ABLIM3: variants seen among roughly 807,000 people sequenced by gnomAD.
The protein encoded by ABLIM3 is actin binding LIM protein family member 3.
A neutral mutation model predicts 109.5 loss-of-function variants in ABLIM3; 61 were observed. The ratio of observed to expected loss-of-function variants is 0.56; its 90% CI spans 0.45 to 0.69. ABLIM3 has a LOEUF of 0.69. Among genes scored for constraint, ABLIM3 ranks in the 30% least tolerant of loss-of-function variants. The pLI, the probability that ABLIM3 is intolerant of heterozygous loss-of-function variation, is 0.00. For missense variants in ABLIM3, 796 were observed against 889.5 expected (o/e 0.89, Z 1.34); for synonymous variants, 300 against 324.8 (o/e 0.92, Z 0.82).
rs1760116337 is a variant in ABLIM3 at position 149,216,608 on chromosome 5, G to A, written c.670-351G>A. ...CATTTCATGTAACATTAGTGGTAAG[G>A]GCCTCTCACTTGGGGAAATGCTGGG... is the stretch of plus-strand genomic sequence containing the variant. On this transcript the variant is annotated intron_variant, in intron 7 of 23. Coordinates refer to ENST00000309868, the MANE Select transcript of ABLIM3 (RefSeq NM_014945.5). 4 of 237,556 alleles carry A rather than the reference G, an allele frequency of 1.7e-5. No individual in the cohort carries two copies. In the South Asian group the frequency reaches 5.2e-4, roughly 31 times the overall value. 14.7% of individuals were successfully genotyped at this position (237,556 alleles called of 1,614,324 possible). A position where few individuals can be genotyped will look rare whatever the true frequency, so the allele number is the denominator to read the frequency against.
Position 149,249,836 on chromosome 5 carries a change from C to G in ABLIM3, c.1721C>G (p.Ala574Gly). 6.2e-7 allele frequency: 1 copy of G among 1,614,218 alleles called. No individual in the cohort carries two copies. Among genetic ancestry groups the G allele is most frequent in the Non-Finnish European group, 8.5e-7 (1 of 1,180,028 alleles). ...GCAGCCCCTCGGTCGCACTACCTGG[C>G]TGACAGTGGTAAGTTCTACCTGCCC... ...LNGSPRSHYL[A>G]DSDPLISKSA... The change falls in exon 19 of 24, where the codon GCT (alanine) becomes GGT (glycine). Residue 574 changes from alanine to glycine, a missense_variant. Physicochemically the swap from Ala to Gly is moderately conservative, Grantham distance 60. Coordinates refer to ENST00000309868, the MANE Select transcript of ABLIM3 (RefSeq NM_014945.5).
chr5:149,226,482 CAA>C (rs1761297497), intron 8 of ABLIM3, among the ~76,000 whole-genome samples: 1 of 151,864 alleles, frequency 6.6e-6, no homozygotes, highest in Admixed American at 6.5e-5. Context: ...GACTCCGTCT[CAA>C]AACAAAAAAA....
intron 8 of ABLIM3, among the ~76,000 whole-genome samples, chr5:149,225,974 GTGTGTGTGTATATA>G (rs1447022842): frequency 1.5e-4 from 14 of 92,206 alleles, no homozygotes; most frequent in East Asian, 2.8e-4. Context: ...GTGTGTGTGT[GTGTGTGTGTATATA>G]TATATATATA....
intron 9 of ABLIM3, among the ~76,000 whole-genome samples, chr5:149,231,364 G>A (rs1350453405): frequency 2.0e-5 from 3 of 152,218 alleles, no homozygotes; most frequent in Non-Finnish European, 2.9e-5. Flanking sequence ...CAGGCTGCAG[G>A]AAGGATCCGG....
intron 2 of ABLIM3, among the ~76,000 whole-genome samples, chr5:149,156,080 C>T (rs2127440381): frequency 6.6e-6 from 1 of 152,362 alleles, no homozygotes; most frequent in Middle Eastern, 3.4e-3. Context: ...AATGAGCTCC[C>T]AGTTGTTCTG....
intron 13 of ABLIM3, 87 bp from the exon 14 acceptor site, chr5:149,240,589 C>T (rs1396256833): frequency 1.2e-5 from 13 of 1,073,864 alleles, no homozygotes; most frequent in Middle Eastern, 2.0e-4. Flanking sequence ...CTGTCATCAC[C>T]TCACCACTTC....
Position 149,238,455 on chromosome 5 carries a change from C to A in ABLIM3, c.1045-793C>A, listed in dbSNP as rs182023318. On this transcript the variant is annotated intron_variant, in intron 11 of 23. Transcript: ENST00000309868. Reference sequence around the variant, plus strand: ...CCCAGTGCTGAGATTCTCTGGTTTCCGGCCCCTGAAATGCACCAGGAGAGG... The same window carrying A: ...CCCAGTGCTGAGATTCTCTGGTTTCAGGCCCCTGAAATGCACCAGGAGAGG... 7.0e-4 allele frequency among the ~76,000 whole-genome samples: 107 copies of A among 152,258 alleles called. 2 individuals are homozygous for A. In the East Asian group the frequency reaches 0.017, roughly 25 times the overall value.
chr5:149,159,052 T>C (rs1002987261), intron 2 of ABLIM3, among the ~76,000 whole-genome samples: 2 of 152,154 alleles, frequency 1.3e-5, no homozygotes, highest in Non-Finnish European at 2.9e-5. Context: ...TAAAAACATA[T>C]ATCTGCAAAA....
chr5:149,221,785 GT>G (rs930510988), intron 8 of ABLIM3, among the ~76,000 whole-genome samples: 46 of 152,142 alleles, frequency 3.0e-4, no homozygotes, highest in African/African-American at 1.1e-3. Context: ...ATCAGTGAGA[GT>G]TTTTTTAAAA....
In ABLIM3 at chr5:149,207,016, G is replaced by T. The variant is rs186503737; in HGVS notation, c.457G>T (p.Gly153Trp). Residue 153 changes from glycine to tryptophan, a missense_variant, in exon 6 of 24, where the codon GGG becomes TGG. By Grantham distance (184) the Gly-to-Trp change is radical (BLOSUM62 -2). Transcript: ENST00000309868. ...GTCCTCTTGTCTTGCAGACTGTGCCGGGTGCAAGGAGGAGATCAAGCACGG... is the reference window on the plus strand; with the variant it reads ...GTCCTCTTGTCTTGCAGACTGTGCCTGGTGCAAGGAGGAGATCAAGCACGG... ...IKIRGPSHCA[G>W]CKEEIKHGQS... 5.4e-5 allele frequency: 87 copies of T among 1,613,582 alleles called. No homozygotes were observed. Among genetic ancestry groups the T allele is most frequent in the Non-Finnish European group, 8.5e-7 (1 of 1,179,808 alleles).
chr5:149,207,190 G>A, intron 6 of ABLIM3, 56 bp downstream of exon 6: 1 of 1,577,930 alleles, frequency 6.3e-7, no homozygotes, highest in Non-Finnish European at 8.6e-7. Flanking sequence ...TGTGAGGCCT[G>A]CCCCATTGAG....
intron 2 of ABLIM3, among the ~76,000 whole-genome samples, chr5:149,166,221 C>T (rs1754809582): frequency 6.6e-6 from 1 of 152,186 alleles, no homozygotes; most frequent in Non-Finnish European, 1.5e-5. Context: ...CACAATCTCC[C>T]ACTCCCTTTG....
chr5:149,211,591 A>G (rs573176543), intron 7 of ABLIM3, among the ~76,000 whole-genome samples: 40 of 152,300 alleles, frequency 2.6e-4, no homozygotes, highest in African/African-American at 8.9e-4. Context: ...CAGTTTTTCC[A>G]TATGACAATA....
At chr5:149,159,518 C>T (rs1410401691) in intron 2 of ABLIM3, among the ~76,000 whole-genome samples, 1 of 152,078 alleles carries the variant, frequency 6.6e-6, no homozygotes, top group East Asian at 1.9e-4. Context: ...GCAAATCATG[C>T]CCAATTTAAA....
In ABLIM3 at chr5:149,259,423, A is replaced by C. The variant is rs1754719457; in HGVS notation, c.*1019A>C. ...CAACTCTCATCATCCTCCAGAGAGA[A>C]AATAGGCCGTGTCTCAAAGAAAGGT... is the stretch of plus-strand genomic sequence containing the variant. On this transcript the variant is annotated 3_prime_UTR_variant, in exon 24 of 24. Coordinates refer to ENST00000309868, the MANE Select transcript of ABLIM3 (RefSeq NM_014945.5). 1 of 1,513,526 alleles carries C rather than the reference A, an allele frequency of 6.6e-7. No individual in the cohort carries two copies. The highest frequency in any genetic ancestry group is 2.0e-5 in the Admixed American group (1 of 49,616). 93.8% of individuals were successfully genotyped at this position (1,513,526 alleles called of 1,614,324 possible).
chr5:149,207,140 TC>T lies in ABLIM3; in HGVS notation c.575+11del. 4 of 1,611,220 alleles carry T rather than the reference TC, an allele frequency of 2.5e-6. No homozygotes were observed. Among genetic ancestry groups the T allele is most frequent in the East Asian group, 2.2e-5 (1 of 44,696 alleles). On this transcript the variant is annotated splice_region_variant and intron_variant, in intron 6 of 23. Coordinates refer to ENST00000309868, the MANE Select transcript of ABLIM3 (RefSeq NM_014945.5). The stretch of plus-strand genomic sequence containing the variant: ...ACCGGGGAGTATATCAGCAAGTGGG[TC>T]CCCCTGCTCCTGCCCCAGCTGCCTG...
intron 2 of ABLIM3, among the ~76,000 whole-genome samples, chr5:149,157,780 C>T (rs2127442564): frequency 6.6e-6 from 1 of 152,154 alleles, no homozygotes; most frequent in African/African-American, 2.4e-5. Flanking sequence ...AAAGTCTTAG[C>T]TCTGACCGTA....
chr5:149,198,511 AT>A lies in ABLIM3; in HGVS notation c.335+112del. 1 of 1,347,742 alleles carries A rather than the reference AT, an allele frequency of 7.4e-7. No individual in the cohort carries two copies. Among genetic ancestry groups the A allele is most frequent in the Non-Finnish European group, 9.9e-7 (1 of 1,010,130 alleles). 83.5% of individuals were successfully genotyped at this position (1,347,742 alleles called of 1,614,324 possible). ...GGGGTTTACAAGGTTTGTGCTGCAC[AT>A]TTAGATTTCTGGAACCTCAGGTGTG... On this transcript the variant is annotated intron_variant, in intron 4 of 23. Transcript: ENST00000309868. This position sits in a 1 kb window ranked among gnomAD's most constrained non-coding sequence, Gnocchi z 4.2.
At chr5:149,211,262 C>G (rs1759530882) in intron 7 of ABLIM3, among the ~76,000 whole-genome samples, 1 of 152,110 alleles carries the variant, frequency 6.6e-6, no homozygotes, top group African/African-American at 2.4e-5. Context: ...CTAAGCCCTT[C>G]TTTGGTGGGT....
Sources: allele counts gnomAD v4.1 joint callset (sites outside exome capture counted in the v4.1 genomes callset), GRCh38; gene constraint gnomAD v4.1.1; non-coding constraint Gnocchi (gnomAD v3.1); transcripts MANE v1.5; gene names NCBI Gene and HGNC (gene_info 2026-07-23, HGNC 2026-07-21).